CHLSN: variants seen among roughly 807,000 people sequenced by gnomAD.
The protein encoded by CHLSN is cholesin.
At chr7:1,116,065 G>A in the CHLSN span, among the ~76,000 whole-genome samples, 17 of 120,156 alleles carry the variant, frequency 1.4e-4, 4 homozygotes, top group Non-Finnish European at 2.9e-4. Context: ...CATCACCGAC[G>A]CCCACGCAGG....
chr7:988,298 C>A, the CHLSN span: 1 of 1,600,842 alleles, frequency 6.2e-7, no homozygotes, highest in Non-Finnish European at 8.5e-7. Context: ...GATTCCCCTG[C>A]TGACCTCGGT....
chr7:994,412 G>GC, the CHLSN span, among the ~76,000 whole-genome samples: 9 of 151,032 alleles, frequency 6.0e-5, no homozygotes, highest in South Asian at 4.2e-4. Context: ...GCCCACCTTG[G>GC]CCCCCCCCAA....
the CHLSN span, among the ~76,000 whole-genome samples, chr7:1,127,709 CTGAT>C: frequency 5.0e-5 from 2 of 40,144 alleles, no homozygotes; most frequent in African/African-American, 1.6e-4. Context: ...ACAATCTCGG[CTGAT>C]CCCACCGTCA....
chr7:1,065,154 C>A, the CHLSN span, among the ~76,000 whole-genome samples: 1 of 152,198 alleles, frequency 6.6e-6, no homozygotes, highest in African/African-American at 2.4e-5. Flanking sequence ...CCTCTCCAGA[C>A]CCAAGGCTGG....
At chr7:979,037 C>T in the CHLSN span, among the ~76,000 whole-genome samples, 202 of 152,280 alleles carry the variant, frequency 1.3e-3, no homozygotes, top group African/African-American at 4.1e-3. Flanking sequence ...CACAGCATGG[C>T]GGCTGGGTCC....
chr7:1,122,024 T>C, the CHLSN span, among the ~76,000 whole-genome samples: 1 of 150,552 alleles, frequency 6.6e-6, no homozygotes, highest in Non-Finnish European at 1.5e-5. Context: ...ACATGGACCC[T>C]GCCCTCGACT....
At chr7:1,134,349 A>G in the CHLSN span, among the ~76,000 whole-genome samples, 1 of 152,016 alleles carries the variant, frequency 6.6e-6, no homozygotes, top group Non-Finnish European at 1.5e-5. Context: ...CGAGGTGGGC[A>G]GATCACCTGA....
At chr7:1,115,663 A>AG in the CHLSN span, among the ~76,000 whole-genome samples, 5 of 109,596 alleles carry the variant, frequency 4.6e-5, no homozygotes, top group African/African-American at 6.7e-5. Flanking sequence ...CTACAGCTCT[A>AG]GGACCGGCTT....
chr7:1,051,239 C>T, the CHLSN span, among the ~76,000 whole-genome samples: 1 of 152,262 alleles, frequency 6.6e-6, no homozygotes, highest in Admixed American at 6.5e-5. Flanking sequence ...TGTGTCCCAA[C>T]CCCGGTCCTC....
chr7:992,040 G>A, the CHLSN span, among the ~76,000 whole-genome samples: 1 of 152,176 alleles, frequency 6.6e-6, no homozygotes, highest in Non-Finnish European at 1.5e-5. Flanking sequence ...CATGGATTTC[G>A]GGAGATGCCT....
At chr7:987,251 AC>A in the CHLSN span, 1 of 1,513,472 alleles carries the variant, frequency 6.6e-7, no homozygotes, top group Non-Finnish European at 8.9e-7. Flanking sequence ...GCAGGGTGAG[AC>A]CCCGGCGCCT....
chr7:1,093,682 A>AT, the CHLSN span: 2 of 469,640 alleles, frequency 4.3e-6, no homozygotes, highest in Non-Finnish European at 8.9e-6. Context: ...TGGCTGACGA[A>AT]TTTGTTTCTA....
At chr7:1,132,802 C>G in the CHLSN span, among the ~76,000 whole-genome samples, 1 of 150,002 alleles carries the variant, frequency 6.7e-6, no homozygotes, top group Non-Finnish European at 1.5e-5. Context: ...AGACCTCTAA[C>G]AACTCAACAA....
At chr7:1,124,170 C>G in the CHLSN span, among the ~76,000 whole-genome samples, 4 of 152,160 alleles carry the variant, frequency 2.6e-5, no homozygotes, top group Non-Finnish European at 5.9e-5. Context: ...GAAAAATAAT[C>G]ACATACTTTA....
the CHLSN span, among the ~76,000 whole-genome samples, chr7:1,019,718 G>C: frequency 1.3e-5 from 2 of 152,246 alleles, no homozygotes; most frequent in Non-Finnish European, 2.9e-5. Context: ...AGGGCTTCCA[G>C]ATGGGCAGAG....
At chr7:1,066,731 C>A in the CHLSN span, among the ~76,000 whole-genome samples, 1 of 152,228 alleles carries the variant, frequency 6.6e-6, no homozygotes. Flanking sequence ...CATCCCTAAG[C>A]CTGAGCCTCC....
chr7:1,006,079 C>A, the CHLSN span, among the ~76,000 whole-genome samples: 2 of 152,230 alleles, frequency 1.3e-5, no homozygotes, highest in Non-Finnish European at 2.9e-5. Context: ...TAATGAGGAA[C>A]AGGCTTGCCC....
At chr7:1,092,768 C>A in the CHLSN span, 1 of 1,613,676 alleles carries the variant, frequency 6.2e-7, no homozygotes, top group South Asian at 1.1e-5. Context: ...AATTTGCCGG[C>A]CCTGAACCGC....
the CHLSN span, among the ~76,000 whole-genome samples, chr7:1,069,406 C>T: frequency 1.4e-5 from 2 of 146,454 alleles, no homozygotes; most frequent in African/African-American, 2.5e-5. Flanking sequence ...CCCTCTCATG[C>T]GGAGCCGAAG....
Sources: gnomAD v4.1 joint callset for allele counts (sites outside exome capture counted in the v4.1 genomes callset) on GRCh38, gnomAD v4.1.1 for gene constraint, MANE v1.5 for transcripts, NCBI Gene and HGNC (gene_info 2026-07-23, HGNC 2026-07-21) for gene names.